Variants in GALNT13 observed in about 807,000 individuals in gnomAD.
The protein encoded by GALNT13 is polypeptide N-acetylgalactosaminyltransferase 13, also known as UDP-GalNAc:polypeptide N-acetylgalactosaminyltransferase 13.
A neutral mutation model predicts 64.2 loss-of-function variants in GALNT13; 28 were observed. The ratio of observed to expected loss-of-function variants is 0.44; its 90% CI spans 0.32 to 0.60. GALNT13 has a LOEUF of 0.60. GALNT13 is among the 20% of genes least tolerant of loss of function. The probability of loss-of-function intolerance (pLI) is 0.05; values close to 1 mark genes in which losing one functional copy is unlikely to be tolerated. For missense variants in GALNT13, 577 were observed against 669.8 expected, an observed-to-expected ratio of 0.86 and a Z score of 1.53; for synonymous variants, 214 against 224.6, an observed-to-expected ratio of 0.95 and a Z score of 0.42.
At chr2:154,410,631 C>T (rs1047489938) in intron 11 of GALNT13, among the ~76,000 whole-genome samples, 9 of 151,868 alleles carry the variant, frequency 5.9e-5, no homozygotes, top group African/African-American at 2.2e-4. Context: ...TACAACAAAA[C>T]ACTGAATATT....
intron 8 of GALNT13, among the ~76,000 whole-genome samples, chr2:154,288,274 AC>A (rs1012301100): frequency 1.3e-5 from 2 of 152,000 alleles, no homozygotes; most frequent in African/African-American, 4.8e-5. Flanking sequence ...AGTACCTCCC[AC>A]CAGATTCCTC....
At chr2:154,152,259 C>G (rs968649708) in intron 4 of GALNT13, among the ~76,000 whole-genome samples, 29 of 152,152 alleles carry the variant, frequency 1.9e-4, no homozygotes, top group African/African-American at 6.5e-4. Context: ...AATATTGGCC[C>G]CCACTCTCTT....
At chr2:153,554,687 T>C in the GALNT13 span, among the ~76,000 whole-genome samples, 1 of 149,334 alleles carries the variant, frequency 6.7e-6, no homozygotes, top group African/African-American at 2.5e-5. Flanking sequence ...TGTGTGTCTG[T>C]GTACGCGCAC....
At chr2:153,867,986 T>C (rs1685794538), upstream of GALNT13, among the ~76,000 whole-genome samples, 1 of 152,098 alleles carries the variant, frequency 6.6e-6, no homozygotes, top group Non-Finnish European at 1.5e-5. Flanking sequence ...CTGCCATAGG[T>C]CTGTGGTTCG....
chr2:153,144,089 C>A, the GALNT13 span, among the ~76,000 whole-genome samples: 2 of 151,810 alleles, frequency 1.3e-5, no homozygotes, highest in African/African-American at 2.4e-5. Flanking sequence ...TTGAAAAGCA[C>A]CTTGAAATAA....
chr2:153,107,428 ATC>A, the GALNT13 span, among the ~76,000 whole-genome samples: 1 of 152,212 alleles, frequency 6.6e-6, no homozygotes, highest in African/African-American at 2.4e-5. Flanking sequence ...AGGCCTGAGA[ATC>A]TCTGTTTTTT....
chr2:153,788,928 C>A, the GALNT13 span, among the ~76,000 whole-genome samples: 1 of 152,186 alleles, frequency 6.6e-6, no homozygotes, highest in African/African-American at 2.4e-5. Flanking sequence ...GCACCCAACA[C>A]GAGATCACCC....
At chr2:154,257,587 G>A (rs376401675) in intron 7 of GALNT13, 1 of 152,218 alleles carries the variant, frequency 6.6e-6, no homozygotes, top group East Asian at 1.9e-4. Context: ...TACTGTTCAT[G>A]ATAGGAACCC....
chr2:154,013,826 G>T (rs1005283783), intron 3 of GALNT13, among the ~76,000 whole-genome samples: 3 of 152,130 alleles, frequency 2.0e-5, no homozygotes, highest in African/African-American at 7.2e-5. Context: ...CGGCCCTTGC[G>T]CACACACTGC....
intron 1 of GALNT13, among the ~76,000 whole-genome samples, chr2:153,891,596 T>A (rs1021391647): frequency 6.6e-6 from 1 of 152,034 alleles, no homozygotes; most frequent in African/African-American, 2.4e-5. Flanking sequence ...GCTGATTCTG[T>A]CACTCCTGCT....
At chr2:153,433,589 T>A in the GALNT13 span, among the ~76,000 whole-genome samples, 15 of 152,160 alleles carry the variant, frequency 9.9e-5, no homozygotes, top group Non-Finnish European at 1.5e-4. Context: ...TACATTTTTT[T>A]AATTACAGAG....
chr2:154,131,140 A>G (rs1682590307), intron 3 of GALNT13, among the ~76,000 whole-genome samples: 2 of 152,192 alleles, frequency 1.3e-5, no homozygotes, highest in Admixed American at 6.5e-5. Flanking sequence ...AAATAATTTC[A>G]TATTTCAGCA....
the GALNT13 span, among the ~76,000 whole-genome samples, chr2:153,523,167 G>T: frequency 6.7e-6 from 1 of 148,524 alleles, no homozygotes. Context: ...TGACTATACA[G>T]GTCTATTTCT....
At chr2:153,317,721 A>G in the GALNT13 span, among the ~76,000 whole-genome samples, 1 of 152,202 alleles carries the variant, frequency 6.6e-6, no homozygotes, top group Non-Finnish European at 1.5e-5. Flanking sequence ...TGATATTTTC[A>G]ATACAACTGA....
the GALNT13 span, among the ~76,000 whole-genome samples, chr2:153,658,833 T>C: frequency 6.6e-6 from 1 of 151,954 alleles, no homozygotes; most frequent in African/African-American, 2.4e-5. Flanking sequence ...TCTTGTAAAA[T>C]TTATTCAATG....
intron 3 of GALNT13, among the ~76,000 whole-genome samples, chr2:154,025,104 C>G (rs1697850583): frequency 1.3e-5 from 2 of 152,184 alleles, no homozygotes; most frequent in Non-Finnish European, 2.9e-5. Context: ...TCCGCCCCTA[C>G]TGGGGGGTGC....
the GALNT13 span, among the ~76,000 whole-genome samples, chr2:153,726,085 A>C: frequency 6.6e-6 from 1 of 152,144 alleles, no homozygotes. Context: ...TTCTGAAAAA[A>C]ATTTAACATT....
At chr2:154,401,783 T>A (rs2105374784) in intron 10 of GALNT13, among the ~76,000 whole-genome samples, 1 of 152,306 alleles carries the variant, frequency 6.6e-6, no homozygotes, top group Non-Finnish European at 1.5e-5. Flanking sequence ...TATTTTGCTA[T>A]GTTCTTTACT....
the GALNT13 span, among the ~76,000 whole-genome samples, chr2:153,268,405 C>T: frequency 6.6e-6 from 1 of 152,190 alleles, no homozygotes; most frequent in Non-Finnish European, 1.5e-5. Context: ...AACAGGTGAG[C>T]TCCCATGGCC....
Sources: allele counts gnomAD v4.1 joint callset (sites outside exome capture counted in the v4.1 genomes callset), GRCh38; gene constraint gnomAD v4.1.1; transcripts MANE v1.5; gene names NCBI Gene and HGNC (gene_info 2026-07-23, HGNC 2026-07-21).